The following IQCK variants were observed in gnomAD, a reference collection of about 807,000 sequenced individuals.
IQCK encodes the protein IQ motif containing K.
IQCK carries 29 observed loss-of-function variants against 28.1 expected under a neutral mutation model. The observed-to-expected ratio is 1.03, with a 90% CI of 0.77 to 1.41. The LOEUF is 1.41. Among genes scored for constraint, IQCK ranks in the 40% most tolerant of loss-of-function variants. The probability of loss-of-function intolerance (pLI) is 0.00; values close to 1 mark genes in which losing one functional copy is unlikely to be tolerated. For missense variants in IQCK, 359 were observed against 314.7 expected (o/e 1.14, Z -1.07); for synonymous variants, 113 against 115.1 (o/e 0.98, Z 0.12).
At chr16:19,767,455 G>A (rs1001867370) in intron 6 of IQCK, among the ~76,000 whole-genome samples, 12 of 152,110 alleles carry the variant, frequency 7.9e-5, no homozygotes, top group African/African-American at 1.2e-4. Context: ...GCTGCTCAGC[G>A]GCCACAGCTT....
At chr16:19,815,380 G>A (rs2055972686) in intron 7 of IQCK, among the ~76,000 whole-genome samples, 1 of 152,218 alleles carries the variant, frequency 6.6e-6, no homozygotes, top group African/African-American at 2.4e-5. Flanking sequence ...GCCGACGCCA[G>A]TGGCTTATGC....
intron 9 of IQCK, among the ~76,000 whole-genome samples, chr16:19,845,787 T>C (rs539414028): frequency 2.1e-3 from 321 of 152,318 alleles, no homozygotes; most frequent in Non-Finnish European, 3.3e-3. Context: ...TAACAAATAA[T>C]TTTATAGCCG....
intron 7 of IQCK, among the ~76,000 whole-genome samples, chr16:19,814,079 G>A (rs1335497953): frequency 6.6e-6 from 1 of 152,060 alleles, no homozygotes; most frequent in Non-Finnish European, 1.5e-5. Context: ...AATTAGTTGG[G>A]TGTGGTGGCG....
At chr16:19,834,483 G>T (rs2056270422) in intron 9 of IQCK, among the ~76,000 whole-genome samples, 1 of 152,208 alleles carries the variant, frequency 6.6e-6, no homozygotes, top group East Asian at 1.9e-4. Context: ...CCAGTGCAAA[G>T]CTTCTCAGCA....
intron 6 of IQCK, among the ~76,000 whole-genome samples, chr16:19,785,990 C>T (rs973611952): frequency 6.6e-6 from 1 of 152,156 alleles, no homozygotes; most frequent in Non-Finnish European, 1.5e-5. Flanking sequence ...CAGTGACACC[C>T]GCAGGGCCGG....
chr16:19,764,734 A>G (rs2055203317), intron 6 of IQCK, among the ~76,000 whole-genome samples: 1 of 143,072 alleles, frequency 7.0e-6, no homozygotes, highest in East Asian at 2.1e-4. Flanking sequence ...TCTGTCACCC[A>G]GGCTGGAGTG....
At chr16:19,751,500 A>G (rs989296882) in intron 4 of IQCK, among the ~76,000 whole-genome samples, 2 of 152,154 alleles carry the variant, frequency 1.3e-5, no homozygotes, top group African/African-American at 4.8e-5. Flanking sequence ...ATAAATAAAA[A>G]TAAATTTTAA....
rs367799915 is a variant in IQCK at position 19,837,499 on chromosome 16, C to T, written c.802+10362C>T. ...GGTTCCTGGGCAAGTTGTTAATCCT[C>T]TCCAGGCTGTTTTCTCCTCTGTTGT... On this transcript the variant is annotated intron_variant, in intron 9 of 9. Transcript: ENST00000320394. 2.6e-5 allele frequency among the ~76,000 whole-genome samples: 4 copies of T among 152,148 alleles called. No homozygotes were observed. In the East Asian group the frequency reaches 5.8e-4, roughly 22 times the overall value.
intron 9 of IQCK, among the ~76,000 whole-genome samples, chr16:19,854,251 C>T (rs1363089916): frequency 6.6e-6 from 1 of 152,262 alleles, no homozygotes; most frequent in Non-Finnish European, 1.5e-5. Context: ...GGTTCTCAAA[C>T]TTTAACTAGC....
chr16:19,779,503 A>C (rs1467063236), intron 6 of IQCK, among the ~76,000 whole-genome samples: 1 of 152,024 alleles, frequency 6.6e-6, no homozygotes, highest in East Asian at 1.9e-4. Context: ...AAAATATGAA[A>C]AGTTTTTTCT....
intron 9 of IQCK, among the ~76,000 whole-genome samples, chr16:19,835,520 G>A (rs536105652): frequency 5.9e-5 from 9 of 151,846 alleles, no homozygotes; most frequent in Non-Finnish European, 1.2e-4. Context: ...TATGAACAAT[G>A]CTCCATAAAC....
intron 4 of IQCK, among the ~76,000 whole-genome samples, chr16:19,754,809 C>T (rs1457979208): frequency 1.3e-5 from 2 of 152,094 alleles, no homozygotes; most frequent in Admixed American, 6.6e-5. Flanking sequence ...GTAATACCAT[C>T]AGCTTTTGTT....
chr16:19,847,936 G>A (rs544914032), intron 9 of IQCK, among the ~76,000 whole-genome samples: 9 of 152,330 alleles, frequency 5.9e-5, no homozygotes, highest in South Asian at 2.1e-4. Flanking sequence ...CCAAAGTGCT[G>A]GGATTATAGG....
At chr16:19,784,503 G>T (rs552197443) in intron 6 of IQCK, among the ~76,000 whole-genome samples, 185 of 152,324 alleles carry the variant, frequency 1.2e-3, no homozygotes, top group Non-Finnish European at 2.0e-3. Flanking sequence ...TTAACACACA[G>T]CTGGGCAGAG....
At chr16:19,824,668 C>A (rs990758340) in intron 7 of IQCK, among the ~76,000 whole-genome samples, 1 of 152,214 alleles carries the variant, frequency 6.6e-6, no homozygotes, top group Non-Finnish European at 1.5e-5. Context: ...TGACACACAT[C>A]CACATATGTA....
At chr16:19,852,754 C>G (rs2056500632) in intron 9 of IQCK, among the ~76,000 whole-genome samples, 1 of 151,730 alleles carries the variant, frequency 6.6e-6, no homozygotes, top group Non-Finnish European at 1.5e-5. Context: ...TCCCGAGTAG[C>G]TGGGACTACA....
intron 9 of IQCK, among the ~76,000 whole-genome samples, chr16:19,837,408 T>G (rs1349752914): frequency 6.6e-6 from 1 of 151,930 alleles, no homozygotes; most frequent in African/African-American, 2.4e-5. Context: ...CTCAAAAAAA[T>G]AAAAATAAAA....
At chr16:19,813,577 G>A (rs1168455298) in intron 7 of IQCK, among the ~76,000 whole-genome samples, 1 of 152,120 alleles carries the variant, frequency 6.6e-6, no homozygotes, top group Non-Finnish European at 1.5e-5. Flanking sequence ...TACCATTCAA[G>A]AGCAAGGGCT....
chr16:19,723,001 C>A (rs1009557551), intron 1 of IQCK, among the ~76,000 whole-genome samples: 1 of 152,148 alleles, frequency 6.6e-6, no homozygotes, highest in Admixed American at 6.5e-5. Context: ...CGTGAGCTAC[C>A]GCATCCGGCC....
Sources: allele counts gnomAD v4.1 joint callset (sites outside exome capture counted in the v4.1 genomes callset), GRCh38; gene constraint gnomAD v4.1.1; transcripts MANE v1.5; gene names NCBI Gene and HGNC (gene_info 2026-07-23, HGNC 2026-07-21).